CCL25: variants seen among roughly 807,000 people sequenced by gnomAD.
CCL25 encodes C-C motif chemokine 25.
Under a neutral mutation model 19.9 loss-of-function variants are expected in CCL25, and 14 were observed. That is an observed-to-expected ratio of 0.70 (90% CI 0.47 to 1.10). The LOEUF (loss-of-function observed/expected upper bound fraction) is 1.10. Ranked by LOEUF, CCL25 falls within the 50% of genes least tolerant of loss-of-function variation. The probability of loss-of-function intolerance (pLI) is 0.00; values close to 1 mark genes in which losing one functional copy is unlikely to be tolerated. For synonymous variants in CCL25, 68 were observed against 73.2 expected, an observed-to-expected ratio of 0.93 and a Z score of 0.36; for missense variants, 151 against 181.2, an observed-to-expected ratio of 0.83 and a Z score of 0.96.
chr19:8,058,199 G>C (rs1412887443), intron 5 of CCL25, among the ~76,000 whole-genome samples: 2 of 150,664 alleles, frequency 1.3e-5, no homozygotes, highest in Non-Finnish European at 2.9e-5. Context: ...AGCAGGGACC[G>C]GGTGGTTGTC....
chr19:8,059,599 CA>C (rs1476320665), intron 5 of CCL25, among the ~76,000 whole-genome samples: 1 of 152,158 alleles, frequency 6.6e-6, no homozygotes, highest in Non-Finnish European at 1.5e-5. Context: ...AGCAAGTTGT[CA>C]CTTTATTTCT....
chr19:8,060,360 T>C (rs2081309327), intron 5 of CCL25, among the ~76,000 whole-genome samples: 1 of 151,684 alleles, frequency 6.6e-6, no homozygotes, highest in Non-Finnish European at 1.5e-5. Flanking sequence ...AATAAAAAGA[T>C]ATTACAAAGG....
chr19:8,062,511 TTC>T lies in CCL25; in HGVS notation c.*288_*289del, dbSNP rs1369655456. On this transcript the variant is annotated 3_prime_UTR_variant, in exon 6 of 6. Transcript: ENST00000315626. ...GAAGACTTAGGATACCTCTCTCACT[TTC>T]TGTTTCTTGCCGTCCACCCCGGGCC... is the stretch of plus-strand genomic sequence containing the variant. The T allele has an allele frequency of 8.5e-6, 4 of 472,192 alleles. No individual in the cohort carries two copies. Among genetic ancestry groups the T allele is most frequent in the East Asian group, 7.1e-5 (2 of 28,274 alleles). The allele number at this position is 472,192 out of a possible 1,614,324, so 29.3% of individuals were successfully genotyped here.
At chr19:8,060,628 C>T (rs1040882455) in intron 5 of CCL25, among the ~76,000 whole-genome samples, 1 of 152,042 alleles carries the variant, frequency 6.6e-6, no homozygotes, top group Non-Finnish European at 1.5e-5. Flanking sequence ...ACATAGCTCA[C>T]CGCCTCAGCC....
chr19:8,055,298 A>AT (rs1255381839), intron 2 of CCL25, among the ~76,000 whole-genome samples: 2 of 143,774 alleles, frequency 1.4e-5, no homozygotes, highest in East Asian at 4.3e-4. Context: ...AAAAAAAAAA[A>AT]AAAGGCGCCC....
rs1261786870 is a variant in CCL25 at position 8,062,315 on chromosome 19, CCT to C, written c.*93_*94del. 2.1e-6 allele frequency: 3 copies of C among 1,443,886 alleles called. No individual in the cohort carries two copies. Among genetic ancestry groups the C allele is most frequent in the African/African-American group, 2.8e-5 (2 of 71,534 alleles). The allele number at this position is 1,443,886 out of a possible 1,614,324, so 89.4% of individuals were successfully genotyped here. On this transcript the variant is annotated 3_prime_UTR_variant, in exon 6 of 6. Transcript: ENST00000315626. ...CCCTACAGACCCAGCTGTCCCCACG[CCT>C]CTGTCTTTTGGGTCAAGTCTTAATC...
rs764394817 is a variant in CCL25 at position 8,057,832 on chromosome 19, T to C, written c.357T>C (p.Ser119=). The C allele has an allele frequency of 1.9e-6, 3 of 1,613,532 alleles. No homozygotes were observed. The highest frequency in any genetic ancestry group is 8.5e-7 in the Non-Finnish European group (1 of 1,179,560). The change falls in exon 5 of 6, where the codon TCT becomes TCC. Residue 119 remains serine (S), a synonymous_variant. Coordinates refer to ENST00000315626, the MANE Select transcript of CCL25 (RefSeq NM_005624.4). ...CTCATGCTGTAAAGAAGTTGAGTTC[T>C]GGAAACTCCAAGTTATCATCGTCCA... is the stretch of plus-strand genomic sequence containing the variant. The part of the protein sequence containing the change: ...AGPHAVKKLS[S]GNSKLSSSKF...
At position 8,062,257 on chromosome 19, in the gene CCL25, G is replaced by C. The variant is rs773779268; in HGVS notation, c.*32G>C. The C allele has an allele frequency of 1.2e-6, 2 of 1,612,170 alleles. No individual in the cohort carries two copies. Among genetic ancestry groups the C allele is most frequent in the Non-Finnish European group, 1.7e-6 (2 of 1,179,430 alleles). On this transcript the variant is annotated 3_prime_UTR_variant, in exon 6 of 6. Transcript: ENST00000315626. ...TCATTTCTGGGCTCCATCGGCACAGGAGGGGCCGGATCTTTCTCCGATAAA... is the reference window on the plus strand; with the variant it reads ...TCATTTCTGGGCTCCATCGGCACAGCAGGGGCCGGATCTTTCTCCGATAAA...
In CCL25 at chr19:8,062,382, CT is replaced by C; in HGVS notation, c.*158del. 1.4e-6 allele frequency: 1 copy of C among 715,910 alleles called. No individual in the cohort carries two copies. The highest frequency in any genetic ancestry group is 2.4e-6 in the Non-Finnish European group (1 of 420,896). The allele number at this position is 715,910 out of a possible 1,614,324, so 44.3% of individuals were successfully genotyped here. A position where few individuals can be genotyped will look rare whatever the true frequency, so the allele number is the denominator to read the frequency against. On this transcript the variant is annotated 3_prime_UTR_variant, in exon 6 of 6. Coordinates refer to ENST00000315626, the MANE Select transcript of CCL25 (RefSeq NM_005624.4). ...GGTCCTCCCTCTGCACCCCCACCAC[CT>C]CCTGCCCGTCTGGCAACTGGAAAGA... is the stretch of plus-strand genomic sequence containing the variant.
chr19:8,060,387 C>T (rs1403874065), intron 5 of CCL25, among the ~76,000 whole-genome samples: 1 of 151,974 alleles, frequency 6.6e-6, no homozygotes, highest in East Asian at 1.9e-4. Flanking sequence ...ATGAATAAGC[C>T]AGATGGAAGA....
At chr19:8,060,650 T>A (rs1229302711) in intron 5 of CCL25, among the ~76,000 whole-genome samples, 4 of 151,384 alleles carry the variant, frequency 2.6e-5, no homozygotes, top group Non-Finnish European at 5.9e-5. Flanking sequence ...CCCGAGTAGC[T>A]GGGACTGCAG....
intron 2 of CCL25, among the ~76,000 whole-genome samples, chr19:8,053,966 T>C (rs1309328083): frequency 6.6e-6 from 1 of 152,172 alleles, no homozygotes; most frequent in African/African-American, 2.4e-5. Flanking sequence ...CTAGGCCTCA[T>C]GTCTGGCGGC....
intron 5 of CCL25, among the ~76,000 whole-genome samples, chr19:8,059,209 A>T (rs1447001406): frequency 7.6e-6 from 1 of 131,498 alleles, no homozygotes; most frequent in African/African-American, 2.9e-5. Context: ...TATAATTAAT[A>T]TTTTTTTATG....
chr19:8,059,102 AT>A (rs34771133), intron 5 of CCL25, among the ~76,000 whole-genome samples: 22,994 of 111,800 alleles, frequency 0.21, 2,913 homozygotes, highest in Middle Eastern at 0.29. Flanking sequence ...TAATGTATAT[AT>A]TTATATATAA....
rs2081244095 is a variant in CCL25 at position 8,053,102 on chromosome 19, C to T, written c.53C>T (p.Ala18Val). 2.6e-6 allele frequency: 4 copies of T among 1,555,744 alleles called. No homozygotes were observed. Among genetic ancestry groups the T allele is most frequent in the South Asian group, 1.2e-5 (1 of 84,330 alleles). Residue 18 changes from alanine to valine, a missense_variant, in exon 2 of 6, where the codon GCC (alanine) becomes GTC (valine). Physicochemically the swap from Ala to Val is moderately conservative, Grantham distance 64. Transcript: ENST00000315626. ...CLVAGFLGAW[A>V]PAVHTQGVFE... ...GTGGCCGGCTTCCTGGGAGCCTGGGCCCCCGCTGTCCACACCCAAGGTACT... is the reference window on the plus strand; with the variant it reads ...GTGGCCGGCTTCCTGGGAGCCTGGGTCCCCGCTGTCCACACCCAAGGTACT...
Position 8,062,286 on chromosome 19 carries a change from G to A in CCL25, c.*61G>A, listed in dbSNP as rs1363371889. 13 of 1,598,666 alleles carry A rather than the reference G, an allele frequency of 8.1e-6. No individual in the cohort carries two copies. Among genetic ancestry groups the A allele is most frequent in the East Asian group, 4.5e-5 (2 of 44,812 alleles). The stretch of plus-strand genomic sequence containing the variant: ...GGCCGGATCTTTCTCCGATAAAACC[G>A]TCGCCCTACAGACCCAGCTGTCCCC... On this transcript the variant is annotated 3_prime_UTR_variant, in exon 6 of 6. Transcript: ENST00000315626.
chr19:8,054,454 C>T (rs2081254377), intron 2 of CCL25, among the ~76,000 whole-genome samples: 1 of 152,220 alleles, frequency 6.6e-6, no homozygotes, highest in Non-Finnish European at 1.5e-5. Flanking sequence ...GGCTCGAGTC[C>T]TCCCTTTCCC....
At chr19:8,055,159 G>A (rs1467317958) in intron 2 of CCL25, among the ~76,000 whole-genome samples, 4 of 143,824 alleles carry the variant, frequency 2.8e-5, no homozygotes, top group Non-Finnish European at 4.6e-5. Context: ...CGTGGTGGCG[G>A]GCGCCTGTAA....
intron 5 of CCL25, among the ~76,000 whole-genome samples, chr19:8,061,059 A>G (rs567594698): frequency 7.1e-6 from 1 of 141,356 alleles, no homozygotes; most frequent in Non-Finnish European, 1.5e-5. Flanking sequence ...ATCATAGCTC[A>G]CTGCAACCTC....
Sources: allele counts gnomAD v4.1 joint callset (sites outside exome capture counted in the v4.1 genomes callset), GRCh38; gene constraint gnomAD v4.1.1; transcripts MANE v1.5; gene names NCBI Gene and HGNC (gene_info 2026-07-23, HGNC 2026-07-21).